Variants in TFG observed in about 807,000 individuals in gnomAD.
TFG encodes protein TFG.
In TFG, 22 loss-of-function variants were observed where a neutral mutation model predicts 51.4. That is an observed-to-expected ratio of 0.43 (90% CI 0.31 to 0.61). The LOEUF (loss-of-function observed/expected upper bound fraction) is 0.61, where lower values mean the gene tolerates loss of function less well. Among genes scored for constraint, TFG ranks in the 20% least tolerant of loss-of-function variants. The pLI is 0.12. For missense variants in TFG, 419 were observed against 487.7 expected (o/e 0.86, Z 1.33); for synonymous variants, 187 against 165.6 (o/e 1.13, Z -0.99).
chr3:100,748,397 T>TATCA lies in TFG; in HGVS notation c.1071_1074dup (p.Pro359SerfsTer22). The TATCA allele has an allele frequency of 2.5e-6, 4 of 1,614,152 alleles. 1 individual carries two copies. Among genetic ancestry groups the TATCA allele is most frequent in the South Asian group, 2.2e-5 (2 of 91,082 alleles). On this transcript the variant is annotated frameshift_variant, in exon 8 of 8. Coordinates refer to ENST00000240851, the MANE Select transcript of TFG (RefSeq NM_006070.6). LOFTEE classifies it high-confidence loss of function. ...AATGGCTCCAAGCCAACCTGGGGCCTATCAACCAAGACCAGGTTTTACTTC... is the reference window on the plus strand; with the variant it reads ...AATGGCTCCAAGCCAACCTGGGGCCTATCAATCAACCAAGACCAGGTTTTACTTC...
In TFG at chr3:100,711,685, C is replaced by G. The variant is rs1252431604; in HGVS notation, c.-43-1958C>G. The stretch of plus-strand genomic sequence containing the variant: ...GCTGGGAATAGATAGTACCAGCTCA[C>G]TGAAGCTAAGCACTGGTTCCTTTTA... On this transcript the variant is annotated intron_variant, in intron 1 of 7. Transcript: ENST00000240851. 2.0e-5 allele frequency among the ~76,000 whole-genome samples: 3 copies of G among 152,326 alleles called. No homozygotes were observed. In the East Asian group the frequency reaches 5.8e-4, roughly 29 times the overall value.
intron 3 of TFG, among the ~76,000 whole-genome samples, chr3:100,721,949 G>A (rs959311306): frequency 2.0e-5 from 3 of 152,334 alleles, no homozygotes; most frequent in Admixed American, 1.3e-4. Context: ...GCAGGAGTTC[G>A]CGACCAGCCT....
chr3:100,738,230 C>T (rs2095111950), intron 6 of TFG, among the ~76,000 whole-genome samples: 1 of 152,208 alleles, frequency 6.6e-6, no homozygotes, highest in Admixed American at 6.5e-5. Flanking sequence ...ATTAACTCCT[C>T]CTCTGCACCA....
At chr3:100,724,484 TG>T (rs1232217048) in intron 3 of TFG, among the ~76,000 whole-genome samples, 5 of 152,188 alleles carry the variant, frequency 3.3e-5, no homozygotes, top group African/African-American at 9.7e-5. Context: ...AAAAATTGGT[TG>T]CCCCAATTAA....
At chr3:100,717,170 A>G (rs533385344) in intron 2 of TFG, among the ~76,000 whole-genome samples, 5 of 152,336 alleles carry the variant, frequency 3.3e-5, no homozygotes, top group South Asian at 4.1e-4. Flanking sequence ...TCAGTTGGCT[A>G]TAGATAACAT....
intron 3 of TFG, 92 bp from the exon 4 acceptor site, chr3:100,728,619 TA>T: frequency 8.7e-7 from 1 of 1,143,948 alleles, no homozygotes; most frequent in Non-Finnish European, 1.2e-6. Flanking sequence ...TTTGTTTTTT[TA>T]AAGGAATTGT....
intron 4 of TFG, 45 bp from the exon 5 acceptor site, chr3:100,732,463 A>T: frequency 6.8e-7 from 1 of 1,471,644 alleles, no homozygotes; most frequent in Non-Finnish European, 9.3e-7. Context: ...TACTGAATAT[A>T]GATAAAAAGG....
intron 3 of TFG, among the ~76,000 whole-genome samples, chr3:100,723,155 TATGTA>T (rs1188742136): frequency 6.6e-5 from 10 of 152,202 alleles, no homozygotes; most frequent in African/African-American, 2.2e-4. Flanking sequence ...TGGGCAATAA[TATGTA>T]AGAAAGGAAG....
At position 100,728,869 on chromosome 3, in the gene TFG, A is replaced by T. The variant is rs536094517; in HGVS notation, c.415+11A>T. 6.3e-7 allele frequency: 1 copy of T among 1,595,578 alleles called. No individual in the cohort carries two copies. The highest frequency in any genetic ancestry group is 1.4e-5 in the African/African-American group (1 of 73,690). ...ATATTCCTGAAAATGGTAAACCCTG[A>T]ATCCATTGTATTCTGACTTATTGTT... On this transcript the variant is annotated intron_variant, in intron 4 of 7. Coordinates refer to ENST00000240851, the MANE Select transcript of TFG (RefSeq NM_006070.6).
At chr3:100,725,950 C>T (rs997208929) in intron 3 of TFG, among the ~76,000 whole-genome samples, 3 of 152,058 alleles carry the variant, frequency 2.0e-5, no homozygotes, top group Non-Finnish European at 4.4e-5. Flanking sequence ...AGGGATGGAA[C>T]CAATAAGATA....
intron 4 of TFG, 146 bp downstream of exon 4, chr3:100,729,004 T>C (rs1433437582): frequency 7.3e-6 from 5 of 681,856 alleles, no homozygotes; most frequent in Non-Finnish European, 1.2e-5. Flanking sequence ...TTTATGTCTG[T>C]GTTCCTAAAC....
chr3:100,740,784 A>AT (rs556890022), intron 6 of TFG, among the ~76,000 whole-genome samples: 155 of 151,938 alleles, frequency 1.0e-3, no homozygotes, highest in African/African-American at 3.5e-3. Context: ...TTTCCCCTTA[A>AT]TTTTTTTTAT....
intron 6 of TFG, among the ~76,000 whole-genome samples, chr3:100,740,051 G>A (rs2095117080): frequency 6.6e-6 from 1 of 151,994 alleles, no homozygotes; most frequent in African/African-American, 2.4e-5. Context: ...GCCTAACAAG[G>A]TTCACACTTT....
chr3:100,741,367 G>T (rs1395261208), intron 6 of TFG, among the ~76,000 whole-genome samples: 1 of 152,012 alleles, frequency 6.6e-6, no homozygotes, highest in Non-Finnish European at 1.5e-5. Context: ...TAATGTGTAT[G>T]TTTGTGTCAT....
Position 100,736,578 on chromosome 3 carries a change from C to A in TFG, c.583C>A (p.Pro195Thr). Residue 195 changes from proline to threonine, a missense_variant and splice_region_variant, in exon 6 of 8, where the codon CCA becomes ACA. Physicochemically the swap from Pro to Thr is conservative, Grantham distance 38. Transcript: ENST00000240851. ...CTGACTTTTTTTTGACTATCCAGGG[C>A]CACCCAGTGCTCCTGCAGAAGATCG... ...FGLTDDQVSG[P>T]PSAPAEDRSG... 1 of 1,613,680 alleles carries A rather than the reference C, an allele frequency of 6.2e-7. No homozygotes were observed. Among genetic ancestry groups the A allele is most frequent in the Non-Finnish European group, 8.5e-7 (1 of 1,179,822 alleles).
intron 5 of TFG, 122 bp downstream of exon 5, chr3:100,732,794 C>T: frequency 2.4e-6 from 2 of 821,328 alleles, no homozygotes; most frequent in Non-Finnish European, 3.8e-6. Flanking sequence ...CTTAAGGGTT[C>T]TGCTTAACAA....
At chr3:100,727,444 T>G (rs1353266778) in intron 3 of TFG, among the ~76,000 whole-genome samples, 6 of 152,232 alleles carry the variant, frequency 3.9e-5, no homozygotes, top group Non-Finnish European at 8.8e-5. Context: ...GCCCTGAACT[T>G]TTATTTTCAC....
intron 7 of TFG, 38 bp from the exon 8 acceptor site, chr3:100,748,111 A>G (rs763940289): frequency 1.9e-6 from 3 of 1,574,594 alleles, no homozygotes; most frequent in East Asian, 4.5e-5. Context: ...TAGTTTTACT[A>G]AAAGATAAGA....
chr3:100,738,707 C>T (rs1303632602), intron 6 of TFG, among the ~76,000 whole-genome samples: 2 of 152,066 alleles, frequency 1.3e-5, no homozygotes, highest in African/African-American at 4.8e-5. Context: ...TTAAAACATA[C>T]AGTATGAAAA....
Sources: gnomAD v4.1 joint callset for allele counts (sites outside exome capture counted in the v4.1 genomes callset) on GRCh38, gnomAD v4.1.1 for gene constraint, MANE v1.5 for transcripts, NCBI Gene and HGNC (gene_info 2026-07-23, HGNC 2026-07-21) for gene names.